ABLIM1: variants seen among roughly 807,000 people sequenced by gnomAD.
ABLIM1 encodes the protein actin binding LIM protein 1, also known as actin-binding LIM protein 1.
Under a neutral mutation model 107.0 loss-of-function variants are expected in ABLIM1, and 40 were observed. The ratio of observed to expected loss-of-function variants is 0.37; its 90% CI spans 0.29 to 0.49. ABLIM1 has a LOEUF of 0.49. Among genes scored for constraint, ABLIM1 ranks in the 20% least tolerant of loss-of-function variants. The pLI is 0.97. For missense variants in ABLIM1, 857 were observed against 1,008.5 expected (o/e 0.85, Z 2.04); for synonymous variants, 357 against 357.3 (o/e 1.00, Z 0.01).
chr10:114,779,310 G>C, the ABLIM1 span: 1 of 152,224 alleles, frequency 6.6e-6, no homozygotes, highest in African/African-American at 2.4e-5. Flanking sequence ...CTGAAGTGCA[G>C]GGAGGTTAAG....
intron 1 of ABLIM1, among the ~76,000 whole-genome samples, chr10:114,616,406 A>G (rs1020340196): frequency 2.0e-5 from 3 of 152,136 alleles, no homozygotes; most frequent in Non-Finnish European, 4.4e-5. Context: ...ATCATTAGCC[A>G]CCTCATTTCA....
intron 1 of ABLIM1, among the ~76,000 whole-genome samples, chr10:114,715,187 A>C (rs368805348): frequency 6.6e-6 from 1 of 152,200 alleles, no homozygotes; most frequent in Admixed American, 6.5e-5. Flanking sequence ...AAAGGCAAAA[A>C]GATTTCCCAG....
chr10:114,570,510 A>G (rs879824117), intron 4 of ABLIM1, among the ~76,000 whole-genome samples: 3 of 143,312 alleles, frequency 2.1e-5, no homozygotes, highest in Non-Finnish European at 4.6e-5. Flanking sequence ...CTTTAATTTT[A>G]TTCCTACTTT....
chr10:114,786,144 G>GAAA, the ABLIM1 span, among the ~76,000 whole-genome samples: 4 of 152,184 alleles, frequency 2.6e-5, no homozygotes, highest in African/African-American at 9.7e-5. Flanking sequence ...GAAAAAGAGA[G>GAAA]AAAAGTAAAT....
chr10:114,497,185 A>G, intron 6 of ABLIM1, among the ~76,000 whole-genome samples: 1 of 152,208 alleles, frequency 6.6e-6, no homozygotes, highest in Admixed American at 6.5e-5. Flanking sequence ...GTTGACTATA[A>G]ACTTTTAAAG....
the ABLIM1 span, among the ~76,000 whole-genome samples, chr10:114,776,378 G>C: frequency 6.6e-6 from 1 of 152,244 alleles, no homozygotes; most frequent in South Asian, 2.1e-4. Context: ...ACTTTGGGAG[G>C]CTGAGGCAGG....
At chr10:114,644,145 G>A in intron 1 of ABLIM1, among the ~76,000 whole-genome samples, 1 of 149,554 alleles carries the variant, frequency 6.7e-6, no homozygotes, top group South Asian at 2.1e-4. Context: ...GCTGGGCATG[G>A]TGGCGGGCAC....
chr10:114,705,901 C>T (rs2081411000), intron 1 of ABLIM1, among the ~76,000 whole-genome samples: 1 of 152,172 alleles, frequency 6.6e-6, no homozygotes, highest in Non-Finnish European at 1.5e-5. Context: ...GATCAAATTA[C>T]TTGTTAATAC....
In ABLIM1 at chr10:114,491,012, G is replaced by GTGTA; in HGVS notation, c.982+778_982+779insTACA. ...TGTGTGTGTGTGTGTGTGTGTGTGT[G>GTGTA]TATATATATATATGGTCTATTTTAT... On this transcript the variant is annotated intron_variant, in intron 7 of 22. Coordinates refer to ENST00000533213, the MANE Select transcript of ABLIM1 (RefSeq NM_002313.7). 1.5e-4 allele frequency among the ~76,000 whole-genome samples: 14 copies of GTGTA among 92,386 alleles called. 1 individual carries two copies. Among genetic ancestry groups the GTGTA allele is most frequent in the African/African-American group, 6.5e-4 (14 of 21,700 alleles). The allele number at this position is 92,386 out of a possible 152,430, so 60.6% of individuals were successfully genotyped here. A position where few individuals can be genotyped will look rare whatever the true frequency, so the allele number is the denominator to read the frequency against.
intron 4 of ABLIM1, among the ~76,000 whole-genome samples, chr10:114,559,147 A>G (rs2069236672): frequency 6.6e-6 from 1 of 152,152 alleles, no homozygotes; most frequent in Non-Finnish European, 1.5e-5. Context: ...GAGGATGTCA[A>G]TATCATAGGG....
At chr10:114,509,307 G>C (rs1250033705) in intron 6 of ABLIM1, among the ~76,000 whole-genome samples, 1 of 152,178 alleles carries the variant, frequency 6.6e-6, no homozygotes, top group Non-Finnish European at 1.5e-5. Context: ...CAAGGTACTG[G>C]ACCCTGGTCT....
chr10:114,497,906 T>C (rs1336033769), intron 6 of ABLIM1, among the ~76,000 whole-genome samples: 2 of 152,236 alleles, frequency 1.3e-5, no homozygotes, highest in Admixed American at 6.5e-5. Flanking sequence ...GTAGTTATTA[T>C]TGCTATTTAG....
chr10:114,491,798 A>G lies in ABLIM1; in HGVS notation c.975T>C (p.Tyr325=). ...TTCTTGAGTCCACCTCACCTTGAAG[A>G]TACATTTCCTCTCCTTCTGTGAACA... ...NQMFTEGEEM[Y]LQGSTVWHPD... Residue 325 remains tyrosine (Y), a synonymous_variant, in exon 7 of 23, where the codon TAT becomes TAC. Transcript: ENST00000533213. The G allele has an allele frequency of 1.2e-6, 2 of 1,610,132 alleles. No individual in the cohort carries two copies. The highest frequency in any genetic ancestry group is 2.2e-5 in the East Asian group (1 of 44,784).
At chr10:114,554,854 G>T (rs2068525479) in intron 4 of ABLIM1, among the ~76,000 whole-genome samples, 1 of 152,172 alleles carries the variant, frequency 6.6e-6, no homozygotes, top group Non-Finnish European at 1.5e-5. Context: ...AAGGATTTTG[G>T]AGCTGAAGAG....
chr10:114,718,032 AGAAAG>A (rs2081727448), intron 1 of ABLIM1, among the ~76,000 whole-genome samples: 1 of 92,938 alleles, frequency 1.1e-5, no homozygotes, highest in Non-Finnish European at 2.3e-5. Context: ...GGAAGGAAGG[AGAAAG>A]AGAAAGAGAA....
At chr10:114,496,043 C>T (rs929022425) in intron 6 of ABLIM1, among the ~76,000 whole-genome samples, 1 of 152,220 alleles carries the variant, frequency 6.6e-6, no homozygotes, top group Admixed American at 6.5e-5. Context: ...TAATAACTCT[C>T]TGCTCAGAGA....
intron 2 of ABLIM1, among the ~76,000 whole-genome samples, chr10:114,576,585 A>T (rs2072594047): frequency 6.6e-6 from 1 of 152,180 alleles, no homozygotes; most frequent in African/African-American, 2.4e-5. Context: ...GAATGCTCCC[A>T]GGGTTCATCT....
chr10:114,509,942 G>A (rs753759892), intron 6 of ABLIM1, among the ~76,000 whole-genome samples: 4 of 152,142 alleles, frequency 2.6e-5, no homozygotes, highest in Non-Finnish European at 4.4e-5. Flanking sequence ...CTTACATGGC[G>A]GCCAGCAAGA....
intron 4 of ABLIM1, among the ~76,000 whole-genome samples, chr10:114,566,597 C>T (rs560753194): frequency 1.2e-4 from 18 of 152,270 alleles, no homozygotes; most frequent in African/African-American, 3.6e-4. Context: ...AGTTAATGTT[C>T]GTCAAAACCC....
Sources: allele counts gnomAD v4.1 joint callset (sites outside exome capture counted in the v4.1 genomes callset), GRCh38; gene constraint gnomAD v4.1.1; transcripts MANE v1.5; gene names NCBI Gene and HGNC (gene_info 2026-07-23, HGNC 2026-07-21).